FAM78B: variants seen among roughly 807,000 people sequenced by gnomAD.
The protein encoded by FAM78B is family with sequence similarity 78 member B, also known as protein FAM78B.
FAM78B carries 10 observed loss-of-function variants against 20.0 expected under a neutral mutation model. That is an observed-to-expected ratio of 0.50 (90% CI 0.31 to 0.85). FAM78B has a LOEUF of 0.85. Ranked by LOEUF, FAM78B falls within the 40% of genes least tolerant of loss-of-function variation. The pLI is 0.05. For missense variants in FAM78B, 283 were observed against 345.0 expected (o/e 0.82, Z 1.42); for synonymous variants, 135 against 132.8 (o/e 1.02, Z -0.12).
chr1:166,143,489 G>A (rs1655350494), intron 1 of FAM78B, among the ~76,000 whole-genome samples: 1 of 152,166 alleles, frequency 6.6e-6, no homozygotes, highest in Admixed American at 6.5e-5. Flanking sequence ...ACAGAGGCTT[G>A]GCATTACTTG....
At chr1:166,067,843 A>G (rs145190643), downstream of FAM78B, among the ~76,000 whole-genome samples, 860 of 152,294 alleles carry the variant, frequency 5.6e-3, 12 homozygotes, top group African/African-American at 0.02. Context: ...TTTTGTCATT[A>G]TACAACTTCC....
chr1:166,160,368 C>T (rs753150362), intron 1 of FAM78B, among the ~76,000 whole-genome samples: 2 of 152,210 alleles, frequency 1.3e-5, no homozygotes, highest in Non-Finnish European at 2.9e-5. Flanking sequence ...ACAACAAGGT[C>T]TCCTTGGGTA....
At chr1:166,123,240 G>A (rs934844642) in intron 1 of FAM78B, among the ~76,000 whole-genome samples, 1 of 152,216 alleles carries the variant, frequency 6.6e-6, no homozygotes, top group South Asian at 2.1e-4. Flanking sequence ...CCCCACCCTG[G>A]ACCACCTGTA....
chr1:166,158,234 A>G (rs1019883446), intron 1 of FAM78B, among the ~76,000 whole-genome samples: 3 of 152,116 alleles, frequency 2.0e-5, no homozygotes, highest in African/African-American at 7.2e-5. Flanking sequence ...CTGAGGTGGG[A>G]GAATCACTTG....
chr1:166,075,093 T>A (rs915145467), intron 1 of FAM78B, among the ~76,000 whole-genome samples: 4 of 152,118 alleles, frequency 2.6e-5, no homozygotes, highest in Non-Finnish European at 2.9e-5. Context: ...GTGGAGCACC[T>A]TCAATAACGG....
chr1:166,071,106 T>C (rs1018443459), intron 1 of FAM78B, among the ~76,000 whole-genome samples: 1 of 152,220 alleles, frequency 6.6e-6, no homozygotes, highest in African/African-American at 2.4e-5. Context: ...AGAACCACTT[T>C]CTTGGAAATA....
At chr1:166,067,744 C>G (rs1180541463), downstream of FAM78B, among the ~76,000 whole-genome samples, 5 of 152,194 alleles carry the variant, frequency 3.3e-5, no homozygotes, top group Non-Finnish European at 7.3e-5. Context: ...CTGAGACACC[C>G]AACTGTAGAG....
At chr1:166,060,332 G>A (rs968368957) in exon 3 of FAM78B, 5 of 320,776 alleles carry the variant, frequency 1.6e-5, no homozygotes, top group Admixed American at 4.5e-5. Flanking sequence ...TGAGGGTTGG[G>A]GAAAGGACTT....
intron 1 of FAM78B, among the ~76,000 whole-genome samples, chr1:166,100,309 C>T (rs10753704): frequency 0.2 from 29,716 of 152,098 alleles, 3,312 homozygotes; most frequent in East Asian, 0.38. Flanking sequence ...ACTGAGGTAC[C>T]GGGTTCATCT....
chr1:166,089,141 GGGATA>G (rs1399278416), intron 1 of FAM78B, among the ~76,000 whole-genome samples: 1 of 152,138 alleles, frequency 6.6e-6, no homozygotes, highest in African/African-American at 2.4e-5. Context: ...CACTTCCTCT[GGGATA>G]CCTCCCCTGA....
At chr1:166,132,631 G>A (rs1049475592) in intron 1 of FAM78B, among the ~76,000 whole-genome samples, 17 of 152,174 alleles carry the variant, frequency 1.1e-4, no homozygotes, top group African/African-American at 3.9e-4. Flanking sequence ...CTCCACCTAA[G>A]TATTGCTCTC....
At chr1:166,097,242 T>C (rs1407226465) in intron 1 of FAM78B, among the ~76,000 whole-genome samples, 2 of 152,184 alleles carry the variant, frequency 1.3e-5, no homozygotes, top group Admixed American at 6.5e-5. Flanking sequence ...TAGCAGGCCA[T>C]TCCTGCCTGG....
intron 1 of FAM78B, among the ~76,000 whole-genome samples, chr1:166,143,198 A>G (rs1020398967): frequency 3.4e-4 from 51 of 152,194 alleles, no homozygotes; most frequent in African/African-American, 1.2e-3. Flanking sequence ...AACTATTAAT[A>G]TATAGTAGAG....
At chr1:166,138,467 G>C (rs1258238927) in intron 1 of FAM78B, among the ~76,000 whole-genome samples, 1 of 152,124 alleles carries the variant, frequency 6.6e-6, no homozygotes, top group Non-Finnish European at 1.5e-5. Flanking sequence ...ACAGCCCACT[G>C]CATCTACCTT....
At chr1:166,064,033 G>A (rs925332730) in intron 2 of FAM78B, among the ~76,000 whole-genome samples, 30 of 152,156 alleles carry the variant, frequency 2.0e-4, no homozygotes, top group African/African-American at 7.0e-4. Context: ...GGCCCAGCTG[G>A]GAGAGGCACA....
chr1:166,091,367 G>GTCTT (rs1265952828), intron 1 of FAM78B, among the ~76,000 whole-genome samples: 1 of 152,110 alleles, frequency 6.6e-6, no homozygotes, highest in Non-Finnish European at 1.5e-5. Context: ...ATGGGGGCAG[G>GTCTT]TCTTTCTCTT....
intron 1 of FAM78B, among the ~76,000 whole-genome samples, chr1:166,076,041 G>C (rs1345047426): frequency 1.3e-5 from 2 of 152,198 alleles, no homozygotes; most frequent in Admixed American, 6.5e-5. Context: ...GTCCAAGCTA[G>C]AGTTGTCTCT....
intron 1 of FAM78B, among the ~76,000 whole-genome samples, chr1:166,079,832 C>T (rs535932760): frequency 7.9e-5 from 12 of 152,244 alleles, no homozygotes; most frequent in South Asian, 4.2e-4. Flanking sequence ...ATTCATACTC[C>T]GAAGCCTCAA....
At chr1:166,159,402 A>AG (rs1557922295) in intron 1 of FAM78B, among the ~76,000 whole-genome samples, 2 of 152,194 alleles carry the variant, frequency 1.3e-5, no homozygotes, top group Non-Finnish European at 2.9e-5. Flanking sequence ...CCCAAGAACC[A>AG]GGGGGATCAG....
Sources: gnomAD v4.1 joint callset for allele counts (sites outside exome capture counted in the v4.1 genomes callset) on GRCh38, gnomAD v4.1.1 for gene constraint, MANE v1.5 for transcripts, NCBI Gene and HGNC (gene_info 2026-07-23, HGNC 2026-07-21) for gene names.